The following MARCHF6 variants were observed in gnomAD, a reference collection of about 807,000 sequenced individuals.
MARCHF6 encodes E3 ubiquitin-protein ligase MARCHF6.
A neutral mutation model predicts 133.7 loss-of-function variants in MARCHF6; 31 were observed. That is an observed-to-expected ratio of 0.23 (90% confidence interval 0.17 to 0.31). The LOEUF (loss-of-function observed/expected upper bound fraction) is 0.31, where lower values mean the gene tolerates loss of function less well. Ranked by LOEUF, MARCHF6 falls within the 10% of genes least tolerant of loss-of-function variation. MARCHF6 has a pLI of 1.00. For missense variants in MARCHF6, 723 were observed against 1,121.6 expected, an observed-to-expected ratio of 0.64 and a Z score of 5.08; for synonymous variants, 395 against 402.5, an observed-to-expected ratio of 0.98 and a Z score of 0.22.
At chr5:10,430,405 A>C (rs1740307413) in intron 25 of MARCHF6, among the ~76,000 whole-genome samples, 1 of 149,942 alleles carries the variant, frequency 6.7e-6, no homozygotes, top group Non-Finnish European at 1.5e-5. Flanking sequence ...TCCCAGGTTC[A>C]AGCGATTCTC....
At chr5:10,363,116 C>T (rs941456672) in intron 1 of MARCHF6, among the ~76,000 whole-genome samples, 15 of 152,048 alleles carry the variant, frequency 9.9e-5, no homozygotes, top group Admixed American at 6.6e-5. Context: ...AGAAATTCTT[C>T]GGAATCTTGG....
Position 10,434,883 on chromosome 5 carries a change from T to A in MARCHF6, c.*1199T>A. On this transcript the variant is annotated 3_prime_UTR_variant, in exon 26 of 26. Transcript: ENST00000274140. ...CTGAGCTGGCCTTTTAACATAGGAA[T>A]GTATTTCGTTGGAAACATTCTGAAA... The A allele has an allele frequency of 6.6e-6, 1 of 152,656 alleles. No homozygotes were observed. The highest frequency in any genetic ancestry group is 1.5e-5 in the Non-Finnish European group (1 of 68,040). 9.5% of individuals were successfully genotyped at this position (152,656 alleles called of 1,614,324 possible). A position where few individuals can be genotyped will look rare whatever the true frequency, so the allele number is the denominator to read the frequency against.
At chr5:10,400,664 C>T (rs1052985713) in intron 10 of MARCHF6, 120 bp from the exon 11 acceptor site, 25 of 742,740 alleles carry the variant, frequency 3.4e-5, no homozygotes, top group Middle Eastern at 2.4e-4. Context: ...GTATTTTTAG[C>T]CTAGTTCTGG....
chr5:10,399,469 C>T (rs1050472255), intron 10 of MARCHF6, among the ~76,000 whole-genome samples: 12 of 151,972 alleles, frequency 7.9e-5, no homozygotes, highest in South Asian at 2.1e-4. Flanking sequence ...TAATCTACTG[C>T]GCTGTCGATT....
intron 1 of MARCHF6, among the ~76,000 whole-genome samples, chr5:10,365,064 A>T (rs1444221350): frequency 6.6e-6 from 1 of 151,632 alleles, no homozygotes; most frequent in Non-Finnish European, 1.5e-5. Flanking sequence ...CAGCCTCCCA[A>T]AGTGCTGAGA....
At chr5:10,381,659 A>G (rs1196290045) in intron 3 of MARCHF6, 141 bp from the exon 4 acceptor site, 1 of 624,652 alleles carries the variant, frequency 1.6e-6, no homozygotes, top group African/African-American at 1.9e-5. Context: ...TATTATAACT[A>G]TTTGGTTTAT....
At chr5:10,400,938 T>G (rs1170681133) in intron 11 of MARCHF6, 96 bp downstream of exon 11, 8 of 993,382 alleles carry the variant, frequency 8.1e-6, no homozygotes, top group Non-Finnish European at 1.3e-5. Flanking sequence ...CATTTCTTCA[T>G]TGGCATTATG....
At chr5:10,375,580 G>T (rs1561106968) in intron 1 of MARCHF6, among the ~76,000 whole-genome samples, 1 of 152,268 alleles carries the variant, frequency 6.6e-6, no homozygotes. Flanking sequence ...TCCACCTGCA[G>T]CCCGGGTGCG....
intron 1 of MARCHF6, among the ~76,000 whole-genome samples, chr5:10,373,940 ACT>A (rs1355372966): frequency 1.3e-5 from 2 of 151,886 alleles, no homozygotes; most frequent in African/African-American, 4.8e-5. Flanking sequence ...GGCTTCAGTG[ACT>A]CTGGTGATTC....
rs1735246836 is a variant in MARCHF6 at position 10,353,770 on chromosome 5, C to T, written c.-129C>T. On this transcript the variant is annotated 5_prime_UTR_variant, in exon 1 of 26. Coordinates refer to ENST00000274140, the MANE Select transcript of MARCHF6 (RefSeq NM_005885.4). ...CCTCTCCCTCTCCCCTCTCCTTCCT[C>T]TCGCTTCCTCTCTCGCACCTGAGCG... The T allele has an allele frequency of 2.7e-6, 2 of 751,982 alleles. No individual in the cohort carries two copies. Among genetic ancestry groups the T allele is most frequent in the Non-Finnish European group, 4.3e-6 (2 of 460,434 alleles). 46.6% of individuals were successfully genotyped at this position (751,982 alleles called of 1,614,324 possible).
chr5:10,389,263 C>G (rs117226155), intron 5 of MARCHF6, among the ~76,000 whole-genome samples: 2 of 152,246 alleles, frequency 1.3e-5, no homozygotes, highest in East Asian at 1.9e-4. Context: ...ACAAAATGGT[C>G]TTCAGTATCA....
chr5:10,402,237 A>G (rs968968351), intron 12 of MARCHF6, 98 bp downstream of exon 12: 14 of 1,103,348 alleles, frequency 1.3e-5, no homozygotes, highest in Non-Finnish European at 1.5e-5. Context: ...TCCTCTTAGT[A>G]AAAGTTGTAG....
chr5:10,405,217 C>G (rs1738807799), intron 15 of MARCHF6, among the ~76,000 whole-genome samples: 1 of 152,084 alleles, frequency 6.6e-6, no homozygotes. Context: ...CTATTTAGTA[C>G]ATTTATAAAT....
chr5:10,364,479 C>A (rs1398910181), intron 1 of MARCHF6, among the ~76,000 whole-genome samples: 1 of 152,162 alleles, frequency 6.6e-6, no homozygotes, highest in African/African-American at 2.4e-5. Flanking sequence ...AGATATCCCT[C>A]CAGCACCCTC....
Position 10,402,111 on chromosome 5 carries a change from T to A in MARCHF6, c.1025T>A (p.Leu342His). 6.2e-7 allele frequency: 1 copy of A among 1,607,922 alleles called. No homozygotes were observed. Among genetic ancestry groups the A allele is most frequent in the Non-Finnish European group, 8.5e-7 (1 of 1,175,216 alleles). The change falls in exon 12 of 26, where the codon CTT (leucine) becomes CAT (histidine). Residue 342 changes from leucine to histidine, a missense_variant. Physicochemically the swap from Leu to His is moderately conservative, Grantham distance 99. Transcript: ENST00000274140. ...ATCACAACCATAGTTGGGTATATAC[T>A]TTTAGCAATAACACTGATAATTTGT... ...GLITTIVGYI[L>H]LAITLIICHG...
chr5:10,431,626 AGTGTGTGTGT>A (rs10574367), intron 25 of MARCHF6, among the ~76,000 whole-genome samples: 2 of 148,386 alleles, frequency 1.3e-5, no homozygotes, highest in African/African-American at 5.0e-5. Context: ...AGAGTGAGTG[AGTGTGTGTGT>A]GTGTGTGTGT....
chr5:10,375,543 G>A lies in MARCHF6; in HGVS notation c.20-2255G>A, dbSNP rs940078571. On this transcript the variant is annotated intron_variant, in intron 1 of 25. Transcript: ENST00000274140. Reference sequence around the variant, plus strand: ...ACCACCCAAGGGCTGAGGAGTGCCAGCGCATGGCGCGGGACTGGCAGGCAG... The same window carrying A: ...ACCACCCAAGGGCTGAGGAGTGCCAACGCATGGCGCGGGACTGGCAGGCAG... Among the ~76,000 whole-genome samples, 3 of 152,262 alleles carry A rather than the reference G, an allele frequency of 2.0e-5. 1 individual carries two copies. In the South Asian group the frequency reaches 6.2e-4, roughly 31 times the overall value.
intron 19 of MARCHF6, among the ~76,000 whole-genome samples, chr5:10,413,689 A>G (rs1739352077): frequency 6.6e-6 from 1 of 152,230 alleles, no homozygotes; most frequent in Admixed American, 6.5e-5. Flanking sequence ...GTCATGTCTT[A>G]CATGGCAGCA....
chr5:10,428,175 A>C (rs1288383426), intron 24 of MARCHF6, among the ~76,000 whole-genome samples: 1 of 152,176 alleles, frequency 6.6e-6, no homozygotes, highest in Non-Finnish European at 1.5e-5. Flanking sequence ...GAGGGCCCAC[A>C]GTGTGCAAAC....
Sources: allele counts gnomAD v4.1 joint callset (sites outside exome capture counted in the v4.1 genomes callset), GRCh38; gene constraint gnomAD v4.1.1; transcripts MANE v1.5; gene names NCBI Gene and HGNC (gene_info 2026-07-23, HGNC 2026-07-21).